MECOM: variants seen among roughly 807,000 people sequenced by gnomAD.
The protein encoded by MECOM is histone-lysine N-methyltransferase MECOM.
MECOM carries 13 observed loss-of-function variants against 116.3 expected under a neutral mutation model. The observed-to-expected ratio is 0.11, with a 90% CI of 0.07 to 0.18. The LOEUF (loss-of-function observed/expected upper bound fraction) is 0.18. MECOM is among the 10% of genes least tolerant of loss of function. The pLI is 1.00. For missense variants in MECOM, 1,299 were observed against 1,509.0 expected (o/e 0.86, Z 2.31); for synonymous variants, 528 against 535.2 (o/e 0.99, Z 0.19).
rs1185068568 is a variant in MECOM, at chr3:169,237,630, AAAAAAT to A, written c.376-93804_376-93799del. Among the ~76,000 whole-genome samples the A allele has an allele frequency of 8.7e-5, 13 of 149,494 alleles. 1 individual carries two copies. The highest frequency in any genetic ancestry group is 2.9e-4 in the African/African-American group (12 of 40,752). ...CATCACAAAAAAAAAAAAAAAAAAA[AAAAAAT>A]GTGGCACTTACTGTTGTTAAATGAA... On this transcript the variant is annotated intron_variant, in intron 2 of 16. Coordinates refer to ENST00000651503, the MANE Select transcript of MECOM (RefSeq NM_004991.4).
At chr3:169,118,310 A>G (rs1729832521) in intron 7 of MECOM, among the ~76,000 whole-genome samples, 1 of 152,202 alleles carries the variant, frequency 6.6e-6, no homozygotes, top group Admixed American at 6.5e-5. Context: ...ATGAATCACA[A>G]CGTTACAGAG....
rs67598122 is a variant in MECOM, at chr3:169,145,143, A to AAC, written c.376-1313_376-1312dup. On this transcript the variant is annotated intron_variant, in intron 2 of 16. Transcript: ENST00000651503. ...CGAACATAAGATAGGGATATTATTA[A>AAC]ACACACACACACACACACACACACA... 544 of 513,124 alleles carry AAC rather than the reference A, an allele frequency of 1.1e-3. 1 individual carries two copies. Among genetic ancestry groups the AAC allele is most frequent in the African/African-American group, 4.6e-3 (171 of 37,272 alleles). The allele number at this position is 513,124 out of a possible 1,614,324, so 31.8% of individuals were successfully genotyped here. A position where few individuals can be genotyped will look rare whatever the true frequency, so the allele number is the denominator to read the frequency against.
At chr3:169,397,960 T>C (rs1473716871) in intron 1 of MECOM, among the ~76,000 whole-genome samples, 1 of 152,202 alleles carries the variant, frequency 6.6e-6, no homozygotes, top group Non-Finnish European at 1.5e-5. Context: ...CATTTTCTTC[T>C]GGGCTGTTGA....
At chr3:169,399,817 C>T (rs964679909) in intron 1 of MECOM, among the ~76,000 whole-genome samples, 1 of 151,920 alleles carries the variant, frequency 6.6e-6, no homozygotes, top group African/African-American at 2.4e-5. Context: ...TTAAGTGACA[C>T]CTATTAAAAG....
At chr3:169,568,718 G>A (rs1560443292) in intron 1 of MECOM, among the ~76,000 whole-genome samples, 1 of 152,202 alleles carries the variant, frequency 6.6e-6, no homozygotes, top group Non-Finnish European at 1.5e-5. Flanking sequence ...AGCAGCCCCA[G>A]TCAGGGGTTT....
chr3:169,422,441 C>T (rs1271030196), intron 1 of MECOM, among the ~76,000 whole-genome samples: 1 of 152,048 alleles, frequency 6.6e-6, no homozygotes, highest in Non-Finnish European at 1.5e-5. Flanking sequence ...TATAATACAG[C>T]AAATTACAGA....
intron 1 of MECOM, among the ~76,000 whole-genome samples, chr3:169,642,661 C>T (rs893721663): frequency 7.9e-5 from 12 of 151,512 alleles, no homozygotes; most frequent in Admixed American, 1.3e-4. Context: ...CAAATTATCT[C>T]GGAGATTGAG....
intron 1 of MECOM, among the ~76,000 whole-genome samples, chr3:169,659,072 C>CAAAA (rs199570807): frequency 2.4e-5 from 2 of 83,534 alleles, no homozygotes; most frequent in Admixed American, 1.3e-4. Context: ...CCTTCAACTC[C>CAAAA]AAAAAAAAAA....
At chr3:169,644,313 G>C (rs1203870460) in intron 1 of MECOM, among the ~76,000 whole-genome samples, 1 of 151,912 alleles carries the variant, frequency 6.6e-6, no homozygotes, top group Non-Finnish European at 1.5e-5. Context: ...CTGGAGGGCA[G>C]TGGTACAATC....
intron 1 of MECOM, among the ~76,000 whole-genome samples, chr3:169,497,780 A>G (rs747563984): frequency 2.0e-5 from 3 of 152,252 alleles, no homozygotes; most frequent in Admixed American, 6.5e-5. Flanking sequence ...GTCTAAATAA[A>G]GTTCAACTCA....
chr3:169,514,453 A>G (rs1756381085), intron 1 of MECOM, among the ~76,000 whole-genome samples: 1 of 152,212 alleles, frequency 6.6e-6, no homozygotes, highest in Non-Finnish European at 1.5e-5. Context: ...AGCATGTGAA[A>G]GAAGAGGTTT....
chr3:169,481,644 A>G (rs75061244), intron 1 of MECOM, among the ~76,000 whole-genome samples: 3,349 of 136,496 alleles, frequency 0.025, 129 homozygotes, highest in African/African-American at 0.087. Context: ...AAATAAATAT[A>G]TATTATTCCA....
intron 1 of MECOM, among the ~76,000 whole-genome samples, chr3:169,489,651 A>C (rs1197263920): frequency 3.3e-5 from 5 of 152,208 alleles, no homozygotes; most frequent in African/African-American, 1.2e-4. Flanking sequence ...GAAAAGAATA[A>C]TTCTTCAATA....
chr3:169,250,200 GAAAACACACTGACA>G (rs1266904683), intron 2 of MECOM, among the ~76,000 whole-genome samples: 2 of 152,154 alleles, frequency 1.3e-5, no homozygotes, highest in African/African-American at 4.8e-5. Flanking sequence ...CAGGCCTCAC[GAAAACACACTGACA>G]AAACAAAGGA....
chr3:169,204,424 C>T (rs1171208375), intron 2 of MECOM, among the ~76,000 whole-genome samples: 2 of 152,154 alleles, frequency 1.3e-5, no homozygotes, highest in Non-Finnish European at 2.9e-5. Flanking sequence ...GTGATTCAGC[C>T]AAGCTCTGCA....
At chr3:169,110,160 G>A (rs554766270) in intron 9 of MECOM, among the ~76,000 whole-genome samples, 12 of 152,198 alleles carry the variant, frequency 7.9e-5, no homozygotes, top group African/African-American at 2.4e-4. Flanking sequence ...AAGAACAGAG[G>A]CAAGTCATTC....
At chr3:169,477,390 G>A (rs891487635) in intron 1 of MECOM, among the ~76,000 whole-genome samples, 19 of 151,930 alleles carry the variant, frequency 1.3e-4, no homozygotes, top group African/African-American at 4.1e-4. Flanking sequence ...ACACAAACAA[G>A]TGCCAAAATG....
At chr3:169,141,207 T>G (rs1383028912) in intron 3 of MECOM, among the ~76,000 whole-genome samples, 2 of 152,112 alleles carry the variant, frequency 1.3e-5, no homozygotes, top group African/African-American at 4.8e-5. Context: ...TCATCTCAAA[T>G]TCCGTTTTTT....
chr3:169,111,590 G>A (rs6780138), intron 9 of MECOM, among the ~76,000 whole-genome samples: 144,347 of 152,200 alleles, frequency 0.95, 68,544 homozygotes, highest in East Asian at 0.99. Flanking sequence ...AATTATGTGA[G>A]TAACATTCTT....
Sources: gnomAD v4.1 joint callset for allele counts (sites outside exome capture counted in the v4.1 genomes callset) on GRCh38, gnomAD v4.1.1 for gene constraint, MANE v1.5 for transcripts, NCBI Gene and HGNC (gene_info 2026-07-23, HGNC 2026-07-21) for gene names.